COA1: variants seen among roughly 807,000 people sequenced by gnomAD.
The protein encoded by COA1 is cytochrome c oxidase assembly factor 1.
COA1 carries 13 observed loss-of-function variants against 16.0 expected under a neutral mutation model. The ratio of observed to expected loss-of-function variants is 0.81; its 90% confidence interval spans 0.53 to 1.29. The LOEUF is 1.29. COA1 is among the 50% of genes most tolerant of loss of function. The probability of loss-of-function intolerance (pLI) is 0.00; values close to 1 mark genes in which losing one functional copy is unlikely to be tolerated. For missense variants in COA1, 179 were observed against 177.0 expected (o/e 1.01, Z -0.06); for synonymous variants, 65 against 65.7 (o/e 0.99, Z 0.05).
chr7:43,666,864 A>G (rs1246822119), intron 1 of COA1, among the ~76,000 whole-genome samples: 4 of 152,242 alleles, frequency 2.6e-5, no homozygotes, highest in Non-Finnish European at 5.9e-5. Flanking sequence ...AAAAGTTAAC[A>G]GTGAATATTA....
chr7:43,646,350 T>C (rs2089292782), intron 3 of COA1: 2 of 344,168 alleles, frequency 5.8e-6, no homozygotes, highest in South Asian at 2.1e-5. Flanking sequence ...CTGTTCTCAA[T>C]ATTCCACACA....
intron 1 of COA1, among the ~76,000 whole-genome samples, chr7:43,724,965 G>A (rs1289467516): frequency 2.6e-5 from 4 of 152,242 alleles, no homozygotes; most frequent in Admixed American, 1.3e-4. Flanking sequence ...TGGGTCGGGC[G>A]CAGTGGCGCA....
At chr7:43,728,839 T>A (rs565092435) in intron 1 of COA1, among the ~76,000 whole-genome samples, 2 of 152,198 alleles carry the variant, frequency 1.3e-5, no homozygotes, top group East Asian at 3.9e-4. Flanking sequence ...ATTATCAGAA[T>A]CTCCATAGAT....
downstream of COA1, among the ~76,000 whole-genome samples, chr7:43,635,881 T>TAA (rs1563198947): frequency 6.6e-6 from 1 of 152,154 alleles, no homozygotes; most frequent in Admixed American, 6.5e-5. Context: ...TGTTAAAAGA[T>TAA]AAGTGTTACA....
intron 1 of COA1, among the ~76,000 whole-genome samples, chr7:43,663,289 C>A (rs1295609706): frequency 6.6e-6 from 1 of 152,172 alleles, no homozygotes; most frequent in East Asian, 1.9e-4. Context: ...GTACAGCCTG[C>A]AGAATAATGA....
At chr7:43,644,791 C>CAGACAGAGAGAGAGAG (rs1563229816) in intron 4 of COA1, among the ~76,000 whole-genome samples, 2 of 23,702 alleles carry the variant, frequency 8.4e-5, no homozygotes, top group African/African-American at 3.0e-4. Flanking sequence ...GGCAGGCAGG[C>CAGACAGAGAGAGAGAG]AGAGAGACAG....
chr7:43,624,714 G>A, intron 6 of COA1: 1 of 1,614,060 alleles, frequency 6.2e-7, no homozygotes, highest in Non-Finnish European at 8.5e-7. Flanking sequence ...GTTAATTGTA[G>A]TTACTTCATA....
intron 1 of COA1, among the ~76,000 whole-genome samples, chr7:43,708,997 T>C (rs917645783): frequency 3.9e-5 from 6 of 151,976 alleles, no homozygotes; most frequent in African/African-American, 9.7e-5. Flanking sequence ...TAAGGTCACA[T>C]AGATATTTTC....
At position 43,644,764 on chromosome 7, in the gene COA1, AGG is replaced by A. The variant is rs1563228928; in HGVS notation, c.264+485_264+486del. 5.0e-3 allele frequency among the ~76,000 whole-genome samples: 373 copies of A among 74,522 alleles called. 3 individuals carry two copies. The highest frequency in any genetic ancestry group is 0.013 in the African/African-American group (264 of 20,866). 48.9% of individuals were successfully genotyped at this position (74,522 alleles called of 152,430 possible). A position where few individuals can be genotyped will look rare whatever the true frequency, so the allele number is the denominator to read the frequency against. ...TAGATAGATAGATAGATAGATAGGC[AGG>A]CAGGCAGGCAGGCAGGCAGGCAGGC... On this transcript the variant is annotated intron_variant, in intron 4 of 5. Transcript: ENST00000223336.
intron 1 of COA1, among the ~76,000 whole-genome samples, chr7:43,651,689 T>TTAA (rs752505722): frequency 9.6e-4 from 103 of 107,182 alleles, no homozygotes; most frequent in African/African-American, 3.2e-3. Context: ...AGGAAGAGCT[T>TTAA]AAAAAAAAAA....
At chr7:43,637,058 C>T (rs1427764991), downstream of COA1, among the ~76,000 whole-genome samples, 1 of 152,204 alleles carries the variant, frequency 6.6e-6, no homozygotes, top group African/African-American at 2.4e-5. Context: ...GGCCTTTCTT[C>T]ATGTTGTGCT....
exon 7 of COA1, chr7:43,609,015 G>C (rs2082658283): frequency 6.6e-6 from 1 of 152,302 alleles, no homozygotes; most frequent in Non-Finnish European, 1.5e-5. Context: ...CAGTATATCA[G>C]TTATGTTCCT....
chr7:43,707,096 C>T (rs1165878243), intron 1 of COA1, among the ~76,000 whole-genome samples: 1 of 151,766 alleles, frequency 6.6e-6, no homozygotes, highest in Non-Finnish European at 1.5e-5. Flanking sequence ...ATTTCTTGAA[C>T]CCAGGAGGCT....
intron 1 of COA1, among the ~76,000 whole-genome samples, chr7:43,673,942 T>C (rs1031776526): frequency 6.7e-6 from 1 of 150,212 alleles, no homozygotes; most frequent in East Asian, 1.9e-4. Flanking sequence ...GAGCTAAACA[T>C]TGGATATGTA....
chr7:43,624,770 A>G (rs1406439793), intron 6 of COA1: 1 of 1,613,534 alleles, frequency 6.2e-7, no homozygotes, highest in South Asian at 1.1e-5. Context: ...AAATGGAGCA[A>G]AAGGCCATTT....
At chr7:43,627,138 A>G (rs2084643876) in intron 6 of COA1, among the ~76,000 whole-genome samples, 1 of 152,228 alleles carries the variant, frequency 6.6e-6, no homozygotes. Flanking sequence ...ATAATTCAAC[A>G]ATATTTTGGT....
intron 1 of COA1, among the ~76,000 whole-genome samples, chr7:43,712,152 G>A (rs764186931): frequency 4.6e-5 from 7 of 151,564 alleles, no homozygotes; most frequent in African/African-American, 1.2e-4. Flanking sequence ...TCACTCTGTC[G>A]CCCAGGCTGG....
intron 1 of COA1, among the ~76,000 whole-genome samples, chr7:43,686,369 C>T (rs1389870902): frequency 2.7e-5 from 4 of 147,290 alleles, no homozygotes; most frequent in South Asian, 4.2e-4. Flanking sequence ...TGCTGTGGCG[C>T]GATCTCCGCT....
intron 4 of COA1, among the ~76,000 whole-genome samples, chr7:43,644,026 G>A (rs961766388): frequency 2.0e-5 from 3 of 152,096 alleles, no homozygotes; most frequent in Non-Finnish European, 4.4e-5. Context: ...CCTGGTGGCC[G>A]CAGCCCCTCC....
Sources: allele counts gnomAD v4.1 joint callset (sites outside exome capture counted in the v4.1 genomes callset), GRCh38; gene constraint gnomAD v4.1.1; transcripts MANE v1.5; gene names NCBI Gene and HGNC (gene_info 2026-07-23, HGNC 2026-07-21).